PRKCZ: variants seen among roughly 807,000 people sequenced by gnomAD.
PRKCZ encodes the protein protein kinase C zeta, also known as protein kinase C zeta type.
In PRKCZ, 33 loss-of-function variants were observed where a neutral mutation model predicts 79.5. The ratio of observed to expected loss-of-function variants is 0.41; its 90% CI spans 0.31 to 0.55. The LOEUF (loss-of-function observed/expected upper bound fraction) is 0.55, where lower values mean the gene tolerates loss of function less well. Among genes scored for constraint, PRKCZ ranks in the 20% least tolerant of loss-of-function variants. PRKCZ has a pLI of 0.19. For synonymous variants in PRKCZ, 342 were observed against 320.9 expected (o/e 1.07, Z -0.70); for missense variants, 578 against 813.5 (o/e 0.71, Z 3.52).
Position 2,050,505 on chromosome 1 carries a change from G to C in PRKCZ, c.-126G>C. Reference sequence around the variant, plus strand: ...CCGCCGGAGTTCCGCGGAGTTGACCGGGTCGGCGCCGTCGGTCCTGAGCGC... The same window carrying C: ...CCGCCGGAGTTCCGCGGAGTTGACCCGGTCGGCGCCGTCGGTCCTGAGCGC... On this transcript the variant is annotated 5_prime_UTR_variant, in exon 1 of 18. Coordinates refer to ENST00000378567, the MANE Select transcript of PRKCZ (RefSeq NM_002744.6). 2 of 485,870 alleles carry C rather than the reference G, an allele frequency of 4.1e-6. No individual in the cohort carries two copies. The highest frequency in any genetic ancestry group is 5.0e-5 in the East Asian group (1 of 20,006). The allele number at this position is 485,870 out of a possible 1,614,324, so 30.1% of individuals were successfully genotyped here.
intron 4 of PRKCZ, among the ~76,000 whole-genome samples, chr1:2,099,144 C>T (rs1667032818): frequency 6.6e-6 from 1 of 152,182 alleles, no homozygotes; most frequent in African/African-American, 2.4e-5. Flanking sequence ...GAAGGAGCCA[C>T]ACAGCTGTGT....
At chr1:2,115,288 G>T (rs1056949191) in intron 4 of PRKCZ, among the ~76,000 whole-genome samples, 1 of 152,236 alleles carries the variant, frequency 6.6e-6, no homozygotes, top group African/African-American at 2.4e-5. Context: ...CCCTCATCTT[G>T]CGAGGCACCG....
intron 4 of PRKCZ, among the ~76,000 whole-genome samples, chr1:2,090,038 A>C (rs1665219456): frequency 6.6e-6 from 1 of 151,722 alleles, no homozygotes; most frequent in African/African-American, 2.4e-5. Flanking sequence ...TCTCTTCTTC[A>C]CCCGGGCCCT....
At chr1:2,160,850 G>T (rs532576214) in intron 10 of PRKCZ, among the ~76,000 whole-genome samples, 2 of 152,238 alleles carry the variant, frequency 1.3e-5, no homozygotes, top group African/African-American at 4.8e-5. Flanking sequence ...GAGACGCCCC[G>T]CCCCGCCGGG....
chr1:2,113,993 G>A (rs760609202), intron 4 of PRKCZ, among the ~76,000 whole-genome samples: 79 of 152,222 alleles, frequency 5.2e-4, no homozygotes, highest in Non-Finnish European at 8.1e-4. Flanking sequence ...GCTCCACGGG[G>A]CTGGCTCTGG....
At chr1:2,154,661 G>A (rs1485682782) in intron 9 of PRKCZ, among the ~76,000 whole-genome samples, 1 of 152,202 alleles carries the variant, frequency 6.6e-6, no homozygotes, top group Non-Finnish European at 1.5e-5. Flanking sequence ...TCGCACCCCT[G>A]TGATCCAGCC....
intron 16 of PRKCZ, among the ~76,000 whole-genome samples, chr1:2,180,308 C>G (rs558753230): frequency 6.6e-5 from 10 of 152,320 alleles, no homozygotes; most frequent in African/African-American, 2.4e-4. Context: ...TGGGGACTGA[C>G]TGCAGATGCA....
chr1:2,090,770 A>G (rs1022542107), intron 4 of PRKCZ, among the ~76,000 whole-genome samples: 4 of 152,188 alleles, frequency 2.6e-5, no homozygotes, highest in Non-Finnish European at 4.4e-5. Context: ...GGACCCCACA[A>G]TCTGGGAGGC....
At chr1:2,076,679 T>C (rs766918835) in intron 4 of PRKCZ, among the ~76,000 whole-genome samples, 102 of 145,686 alleles carry the variant, frequency 7.0e-4, no homozygotes, top group Non-Finnish European at 1.2e-3. Context: ...GAGGCAGAGG[T>C]CACAGTGAGT....
At chr1:2,055,408 C>T (rs199562589) in intron 1 of PRKCZ, 33 bp from the exon 2 acceptor site, 128 of 1,568,126 alleles carry the variant, frequency 8.2e-5, no homozygotes, top group East Asian at 1.4e-4. Flanking sequence ...ATATGCCCCA[C>T]GGTAACAGAT....
At chr1:2,140,756 G>A (rs959274742) in intron 5 of PRKCZ, among the ~76,000 whole-genome samples, 1 of 152,232 alleles carries the variant, frequency 6.6e-6, no homozygotes, top group Non-Finnish European at 1.5e-5. Flanking sequence ...ATCACCTGAG[G>A]TCAGGGGTTC....
chr1:2,164,380 C>T (rs1289109689), intron 10 of PRKCZ, among the ~76,000 whole-genome samples: 3 of 152,226 alleles, frequency 2.0e-5, no homozygotes, highest in Non-Finnish European at 2.9e-5. Flanking sequence ...AGCAAGCAGG[C>T]CTGAGCTCCG....
chr1:2,148,747 T>G, intron 7 of PRKCZ, 125 bp from the exon 8 acceptor site: 1 of 914,180 alleles, frequency 1.1e-6, no homozygotes, highest in Admixed American at 2.3e-5. Context: ...GAATCAGACA[T>G]GGCTGCTGTG....
In PRKCZ at chr1:2,147,298, G is replaced by A. The variant is rs548157229; in HGVS notation, c.634+1190G>A. Among the ~76,000 whole-genome samples the A allele has an allele frequency of 1.4e-4, 19 of 139,620 alleles. No homozygotes were observed. In the East Asian group the frequency reaches 4.1e-3, roughly 30 times the overall value. The allele number at this position is 139,620 out of a possible 152,430, so 91.6% of individuals were successfully genotyped here. The stretch of plus-strand genomic sequence containing the variant: ...CACTGACCTCTCCACCCATCTATCT[G>A]TTGTCCACTGACCTCTCCATCTTTC... On this transcript the variant is annotated intron_variant, in intron 7 of 17. Coordinates refer to ENST00000378567, the MANE Select transcript of PRKCZ (RefSeq NM_002744.6).
chr1:2,144,365 CCGGGGGGCACGGGCGGGGT>C, intron 6 of PRKCZ, 24 bp downstream of exon 6: 1 of 1,557,572 alleles, frequency 6.4e-7, no homozygotes, highest in Non-Finnish European at 8.7e-7. Flanking sequence ...CTGGGGAGGC[CCGGGGGGCACGGGCGGGGT>C]CGGGGCGTGG....
At position 2,105,930 on chromosome 1, in the gene PRKCZ, C is replaced by A. The variant is rs551241989; in HGVS notation, c.335-29332C>A. ...CAGGCCTGGATGAGGCCCCACCCCCCCACACACACATGCTGGGACCACGAG... is the reference window on the plus strand; with the variant it reads ...CAGGCCTGGATGAGGCCCCACCCCCACACACACACATGCTGGGACCACGAG... On this transcript the variant is annotated intron_variant, in intron 4 of 17. Transcript: ENST00000378567. Among the ~76,000 whole-genome samples the A allele has an allele frequency of 7.9e-5, 12 of 152,290 alleles. No homozygotes were observed. In the South Asian group the frequency reaches 8.3e-4, roughly 11 times the overall value.
At position 2,050,721 on chromosome 1, in the gene PRKCZ, G is replaced by C. The variant is rs1031287431; in HGVS notation, c.71+20G>C. 1.7e-6 allele frequency: 2 copies of C among 1,207,310 alleles called. No homozygotes were observed. Among genetic ancestry groups the C allele is most frequent in the African/African-American group, 3.1e-5 (2 of 63,828 alleles). The allele number at this position is 1,207,310 out of a possible 1,614,324, so 74.8% of individuals were successfully genotyped here. The stretch of plus-strand genomic sequence containing the variant: ...CGGGGGGTGAGCGGCGGAGAGGGCG[G>C]GGAGCGGCGCGGGTGAGGCAGGGAG... On this transcript the variant is annotated intron_variant, in intron 1 of 17. Coordinates refer to ENST00000378567, the MANE Select transcript of PRKCZ (RefSeq NM_002744.6).
chr1:2,052,026 G>T (rs1453224316), intron 1 of PRKCZ, among the ~76,000 whole-genome samples: 2 of 152,168 alleles, frequency 1.3e-5, no homozygotes, highest in Non-Finnish European at 2.9e-5. Flanking sequence ...AGGTCAGCAG[G>T]TTAAAACTTG....
intron 2 of PRKCZ, chr1:2,055,775 G>A: frequency 1.5e-6 from 1 of 653,708 alleles, no homozygotes; most frequent in Non-Finnish European, 2.4e-6. Context: ...CCCCTAGGAA[G>A]GGCTCTGGTC....
Sources: gnomAD v4.1 joint callset for allele counts (sites outside exome capture counted in the v4.1 genomes callset) on GRCh38, gnomAD v4.1.1 for gene constraint, MANE v1.5 for transcripts, NCBI Gene and HGNC (gene_info 2026-07-23, HGNC 2026-07-21) for gene names.